The following DHRS12 variants were observed in gnomAD, a reference collection of about 807,000 sequenced individuals.
The protein encoded by DHRS12 is dehydrogenase/reductase 12, also known as dehydrogenase/reductase SDR family member 12.
In DHRS12, 29 loss-of-function variants were observed where a neutral mutation model predicts 32.1. The ratio of observed to expected loss-of-function variants is 0.90; its 90% confidence interval spans 0.67 to 1.23. DHRS12 has a LOEUF of 1.23. Among genes scored for constraint, DHRS12 ranks in the 50% most tolerant of loss-of-function variants. The pLI is 0.00. For missense variants in DHRS12, 330 were observed against 337.2 expected (o/e 0.98, Z 0.17); for synonymous variants, 150 against 135.9 (o/e 1.10, Z -0.72).
intron 1 of DHRS12, among the ~76,000 whole-genome samples, chr13:51,800,329 T>C (rs1015251165): frequency 2.2e-4 from 33 of 152,238 alleles, no homozygotes; most frequent in African/African-American, 7.7e-4. Context: ...AGGCATCATA[T>C]TGGATAGATG....
the DHRS12 span, chr13:51,758,099 G>A: frequency 2.8e-5 from 26 of 930,912 alleles, no homozygotes; most frequent in South Asian, 2.9e-4. Flanking sequence ...TTTTAGCCAC[G>A]AGGCCAAAAT....
Position 51,784,227 on chromosome 13 carries a change from C to T in DHRS12, c.301+5784G>A, listed in dbSNP as rs141397314. Among the ~76,000 whole-genome samples the T allele has an allele frequency of 4.0e-4, 61 of 152,258 alleles. 1 individual carries two copies. Among genetic ancestry groups the T allele is most frequent in the Middle Eastern group, 6.8e-3 (2 of 294 alleles). ...CCATGCTCTGGGCAAGAAACCCACC[C>T]ATCAGCAGGTGGCTTCTGCTGAGCC... On this transcript the variant is annotated intron_variant, in intron 4 of 8. Coordinates refer to ENST00000444610, the MANE Select transcript of DHRS12 (RefSeq NM_001377533.1).
At chr13:51,797,276 T>C (rs2139388951) in intron 2 of DHRS12, among the ~76,000 whole-genome samples, 1 of 152,312 alleles carries the variant, frequency 6.6e-6, no homozygotes, top group Middle Eastern at 3.4e-3. Flanking sequence ...TCTAAATAAC[T>C]TTTACACAAG....
In DHRS12 at chr13:51,799,598, G is replaced by A. The variant is rs1401064307; in HGVS notation, c.62C>T (p.Ser21Phe). 6.2e-7 allele frequency: 1 copy of A among 1,614,132 alleles called. No homozygotes were observed. The highest frequency in any genetic ancestry group is 8.5e-7 in the Non-Finnish European group (1 of 1,180,022). Reference sequence around the variant, plus strand: ...CGCTGTTTCCTCCAGTGACCAAAAAGACTCTTCCAGGAATCTGGACCTCCA... The same window carrying A: ...CGCTGTTTCCTCCAGTGACCAAAAAAACTCTTCCAGGAATCTGGACCTCCA... Reference protein sequence around the residue: ...MTWRSRFLEESFWSLEETAAL... With the variant: ...MTWRSRFLEEFFWSLEETAAL... The change falls in exon 2 of 9, where the codon TCT (serine) becomes TTT (phenylalanine). Residue 21 changes from serine to phenylalanine, a missense_variant. Physicochemically the swap from Ser to Phe is radical, Grantham distance 155. Transcript: ENST00000444610.
At chr13:51,755,583 C>A in the DHRS12 span, 1 of 843,664 alleles carries the variant, frequency 1.2e-6, no homozygotes, top group Non-Finnish European at 1.9e-6. Context: ...CCTGGAGTCA[C>A]CTCGTGATTG....
At chr13:51,781,553 G>A (rs900581152) in intron 4 of DHRS12, among the ~76,000 whole-genome samples, 7 of 152,186 alleles carry the variant, frequency 4.6e-5, no homozygotes, top group Non-Finnish European at 8.8e-5. Context: ...GGGTGGGACG[G>A]CGGGGGAGGT....
the DHRS12 span, chr13:51,756,628 G>A: frequency 1.0e-6 from 1 of 985,330 alleles, no homozygotes; most frequent in Non-Finnish European, 1.2e-6. Context: ...GAGATTTGTG[G>A]TATCCTGTGA....
intron 8 of DHRS12, chr13:51,768,751 T>A: frequency 8.8e-7 from 1 of 1,140,674 alleles, no homozygotes; most frequent in East Asian, 5.9e-5. Context: ...CGTGAACAGA[T>A]CACTGCTTCC....
At chr13:51,786,542 T>C (rs933498288) in intron 4 of DHRS12, among the ~76,000 whole-genome samples, 6 of 152,188 alleles carry the variant, frequency 3.9e-5, no homozygotes, top group Non-Finnish European at 8.8e-5. Flanking sequence ...GTGCATCAAC[T>C]GACCCAGGGC....
chr13:51,792,305 G>A (rs752973355), intron 2 of DHRS12, among the ~76,000 whole-genome samples: 6 of 152,150 alleles, frequency 3.9e-5, no homozygotes, highest in Non-Finnish European at 8.8e-5. Flanking sequence ...GAGGTGTGAG[G>A]TGATATTTCA....
chr13:51,772,176 C>A (rs1954056255), intron 6 of DHRS12, among the ~76,000 whole-genome samples: 2 of 152,056 alleles, frequency 1.3e-5, no homozygotes, highest in African/African-American at 4.8e-5. Context: ...GCAGGCCCAC[C>A]CCCCATGAAA....
At chr13:51,758,352 TACAG>T in the DHRS12 span, 1 of 1,358,034 alleles carries the variant, frequency 7.4e-7, no homozygotes, top group Non-Finnish European at 1.0e-6. Flanking sequence ...CATATAAATA[TACAG>T]GAGCACCAAG....
At chr13:51,790,181 G>T in intron 3 of DHRS12, 89 bp from the exon 4 acceptor site, 1 of 964,712 alleles carries the variant, frequency 1.0e-6, no homozygotes, top group Non-Finnish European at 1.5e-6. Context: ...CCCACCCCCA[G>T]CTCTTTTTCA....
chr13:51,755,722 A>C, the DHRS12 span, among the ~76,000 whole-genome samples: 1 of 152,212 alleles, frequency 6.6e-6, no homozygotes, highest in East Asian at 1.9e-4. Flanking sequence ...TGCACCTTAC[A>C]ATTAGAGGTG....
intron 2 of DHRS12, among the ~76,000 whole-genome samples, chr13:51,797,141 T>C (rs1048502204): frequency 6.6e-6 from 1 of 152,070 alleles, no homozygotes; most frequent in Non-Finnish European, 1.5e-5. Context: ...GTCAGGGTTT[T>C]CCATTCAGGG....
intron 5 of DHRS12, chr13:51,774,327 TCTC>T (rs372408082): frequency 6.6e-5 from 7 of 105,596 alleles, no homozygotes; most frequent in South Asian, 3.1e-4. Flanking sequence ...CTACATGTAT[TCTC>T]CTACAGTATT....
chr13:51,789,470 CTAAGAAT>C (rs1955159067), intron 4 of DHRS12: 9 of 887,316 alleles, frequency 1.0e-5, no homozygotes, highest in Middle Eastern at 5.7e-4. Context: ...GGTGGGGAAT[CTAAGAAT>C]GTGCATGTCT....
the DHRS12 span, chr13:51,759,760 C>A: frequency 1.2e-6 from 2 of 1,613,874 alleles, no homozygotes; most frequent in South Asian, 1.1e-5. Flanking sequence ...TGACCCCAGT[C>A]GTGTCTTGAT....
At chr13:51,759,795 A>G in the DHRS12 span, 4 of 1,612,146 alleles carry the variant, frequency 2.5e-6, no homozygotes, top group African/African-American at 1.3e-5. Context: ...TCAGAAAGAT[A>G]GTATTTACTA....
Sources: allele counts gnomAD v4.1 joint callset (sites outside exome capture counted in the v4.1 genomes callset), GRCh38; gene constraint gnomAD v4.1.1; transcripts MANE v1.5; gene names NCBI Gene and HGNC (gene_info 2026-07-23, HGNC 2026-07-21).